Variants in PPP3CB observed in about 807,000 individuals in gnomAD.
PPP3CB encodes serine/threonine-protein phosphatase 2B catalytic subunit beta isoform.
PPP3CB carries 8 observed loss-of-function variants against 66.4 expected under a neutral mutation model. The ratio of observed to expected loss-of-function variants is 0.12; its 90% confidence interval spans 0.07 to 0.22. The LOEUF (loss-of-function observed/expected upper bound fraction) is 0.22. Ranked by LOEUF, PPP3CB falls within the 10% of genes least tolerant of loss-of-function variation. The pLI is 1.00. For missense variants in PPP3CB, 319 were observed against 642.5 expected (o/e 0.50, Z 5.44); for synonymous variants, 208 against 221.2 (o/e 0.94, Z 0.53).
chr10:73,444,661 T>A, intron 12 of PPP3CB, 64 bp downstream of exon 12: 1 of 1,606,508 alleles, frequency 6.2e-7, no homozygotes, highest in Non-Finnish European at 8.5e-7. Context: ...ATGTGAATTG[T>A]TAGCAAAAGA....
chr10:73,495,835 GCGGCGGGGGCGGGGGTGGGGGCGGTGC>G lies in PPP3CB; in HGVS notation c.28_54del (p.Ala10_Pro18del). The G allele has an allele frequency of 6.7e-7, 1 of 1,499,756 alleles. No individual in the cohort carries two copies. The highest frequency in any genetic ancestry group is 8.9e-7 in the Non-Finnish European group (1 of 1,124,720). The allele number at this position is 1,499,756 out of a possible 1,614,324, so 92.9% of individuals were successfully genotyped here. On this transcript the variant is annotated inframe_deletion, in exon 1 of 14. Transcript: ENST00000360663. ...ACGACGCGGTCAGCCCCGGGAGGGG[GCGGCGGGGGCGGGGGTGGGGGCGGTGC>G]AGCCCGGGCCGGCTCCGGGGCGGCC...
chr10:73,450,533 A>G (rs1474454833), intron 10 of PPP3CB, among the ~76,000 whole-genome samples: 1 of 152,124 alleles, frequency 6.6e-6, no homozygotes, highest in Non-Finnish European at 1.5e-5. Context: ...TCCCAGACTC[A>G]TATTCCTAAA....
intron 1 of PPP3CB, among the ~76,000 whole-genome samples, chr10:73,490,870 G>A (rs1410374807): frequency 6.6e-6 from 1 of 151,762 alleles, no homozygotes; most frequent in Non-Finnish European, 1.5e-5. Context: ...ATATCGCTCT[G>A]TCACCCAGGC....
chr10:73,460,264 G>T (rs1589695713), intron 9 of PPP3CB, among the ~76,000 whole-genome samples: 1 of 22,636 alleles, frequency 4.4e-5, no homozygotes, highest in African/African-American at 2.5e-4. Context: ...GAAAGTAATA[G>T]CAAAAAAAAA....
chr10:73,477,286 T>C (rs755969176), intron 3 of PPP3CB: 19 of 507,550 alleles, frequency 3.7e-5, no homozygotes, highest in Non-Finnish European at 5.8e-5. Flanking sequence ...CTCTAGGAAT[T>C]TGTCCTACAA....
Position 73,454,447 on chromosome 10 carries a change from T to A in PPP3CB, c.1151A>T (p.Asp384Val). The A allele has an allele frequency of 6.2e-7, 1 of 1,612,450 alleles. No homozygotes were observed. Among genetic ancestry groups the A allele is most frequent in the East Asian group, 2.2e-5 (1 of 44,714 alleles). ...GTCTTCACCTTCAGTCATTAGTTCATCATCAGAGCAAATACTCAGAACATT... is the reference window on the plus strand; with the variant it reads ...GTCTTCACCTTCAGTCATTAGTTCAACATCAGAGCAAATACTCAGAACATT... ...LVNVLSICSD[D>V]ELMTEGEDQF... Residue 384 changes from aspartate (D) to valine (V), a missense_variant, in exon 10 of 14, where the codon GAT becomes GTT. Around this residue, in one of 5 missense-constraint regions of PPP3CB, gnomAD observed 120 missense variants for 331.2 expected, o/e 0.36. Transcript: ENST00000360663.
intron 9 of PPP3CB, among the ~76,000 whole-genome samples, chr10:73,464,031 A>G (rs1283202509): frequency 6.6e-6 from 1 of 151,524 alleles, no homozygotes; most frequent in Admixed American, 6.6e-5. Context: ...CCTGGGTTCA[A>G]GCAATTCTCT....
intron 10 of PPP3CB, among the ~76,000 whole-genome samples, chr10:73,450,974 T>C (rs2056335503): frequency 6.6e-6 from 1 of 152,146 alleles, no homozygotes; most frequent in Admixed American, 6.5e-5. Flanking sequence ...TGATGATATA[T>C]AAAATCTTCT....
chr10:73,462,140 C>CTTT (rs1019088638), intron 9 of PPP3CB, among the ~76,000 whole-genome samples: 34 of 94,214 alleles, frequency 3.6e-4, no homozygotes, highest in Admixed American at 1.0e-3. Context: ...TAAACTCCTT[C>CTTT]TTTTTTTTTT....
At chr10:73,485,774 ATCG>A (rs1393317384) in intron 1 of PPP3CB, among the ~76,000 whole-genome samples, 3 of 152,116 alleles carry the variant, frequency 2.0e-5, no homozygotes, top group Non-Finnish European at 4.4e-5. Flanking sequence ...AGAGTCTCGC[ATCG>A]TCGCCGGGGC....
chr10:73,463,929 C>T (rs2056573941), intron 9 of PPP3CB, among the ~76,000 whole-genome samples: 2 of 151,456 alleles, frequency 1.3e-5, no homozygotes, highest in Admixed American at 1.3e-4. Flanking sequence ...GCCACTGCGC[C>T]CGGCCTCTCC....
intron 9 of PPP3CB, among the ~76,000 whole-genome samples, chr10:73,458,688 A>G (rs2056470423): frequency 6.7e-6 from 1 of 150,138 alleles, no homozygotes; most frequent in Non-Finnish European, 1.5e-5. Flanking sequence ...TATGTAAAGT[A>G]TATGTTTATA....
chr10:73,456,887 T>C (rs1251011063), intron 9 of PPP3CB, among the ~76,000 whole-genome samples: 3 of 152,118 alleles, frequency 2.0e-5, no homozygotes, highest in Non-Finnish European at 2.9e-5. Flanking sequence ...AAATACCATA[T>C]ACCATATGAC....
chr10:73,449,108 GAC>G (rs1418413891), intron 10 of PPP3CB, among the ~76,000 whole-genome samples: 1 of 152,196 alleles, frequency 6.6e-6, no homozygotes, highest in Non-Finnish European at 1.5e-5. Flanking sequence ...AAAAGGTAAT[GAC>G]ACAAATGAAA....
Position 73,486,900 on chromosome 10 carries a change from G to A in PPP3CB, c.86-7383C>T, listed in dbSNP as rs72814310. On this transcript the variant is annotated intron_variant, in intron 1 of 13. Coordinates refer to ENST00000360663, the MANE Select transcript of PPP3CB (RefSeq NM_021132.4). Reference sequence around the variant, plus strand: ...TTAAACTAATCATAGGCTGGGTGCCGTGGCTTAAATCTGTAATCCTAGCAT... The same window carrying A: ...TTAAACTAATCATAGGCTGGGTGCCATGGCTTAAATCTGTAATCCTAGCAT... Among the ~76,000 whole-genome samples, 534 of 152,302 alleles carry A rather than the reference G, an allele frequency of 3.5e-3. 1 individual carries two copies. Among genetic ancestry groups the A allele is most frequent in the Middle Eastern group, 0.014 (4 of 294 alleles).
chr10:73,494,929 C>T (rs1006798107), intron 1 of PPP3CB, among the ~76,000 whole-genome samples: 5 of 152,304 alleles, frequency 3.3e-5, no homozygotes, highest in Admixed American at 2.6e-4. Context: ...TAGGCTCTCC[C>T]AGGAAGCTTG....
chr10:73,475,500 C>A (rs75076986), intron 3 of PPP3CB, among the ~76,000 whole-genome samples: 6,768 of 152,114 alleles, frequency 0.044, 450 homozygotes, highest in African/African-American at 0.15. Context: ...GAAACTGAAG[C>A]AAAGATCTCA....
intron 8 of PPP3CB, among the ~76,000 whole-genome samples, chr10:73,470,426 T>C (rs1400233080): frequency 1.3e-5 from 2 of 152,202 alleles, no homozygotes; most frequent in Non-Finnish European, 2.9e-5. Context: ...AAAATCATGT[T>C]TGGTTTTGCT....
chr10:73,444,433 GAATA>G lies in PPP3CB; in HGVS notation c.1366+288_1366+291del, dbSNP rs1157851823. ...AAAGAAAAGGGTGAATTAGACAGAT[GAATA>G]AATAAATATTTCAGACATTATGATA... On this transcript the variant is annotated intron_variant, in intron 12 of 13. Coordinates refer to ENST00000360663, the MANE Select transcript of PPP3CB (RefSeq NM_021132.4). The G allele has an allele frequency of 6.3e-6, 5 of 794,756 alleles. No individual in the cohort carries two copies. In the East Asian group the frequency reaches 8.3e-5, roughly 13 times the overall value. 49.2% of individuals were successfully genotyped at this position (794,756 alleles called of 1,614,324 possible).
Sources: allele counts gnomAD v4.1 joint callset (sites outside exome capture counted in the v4.1 genomes callset), GRCh38; gene constraint gnomAD v4.1.1; regional missense constraint gnomAD v4.1.1; transcripts MANE v1.5; gene names NCBI Gene and HGNC (gene_info 2026-07-23, HGNC 2026-07-21).